The following STAG1 variants were observed in gnomAD, a reference collection of about 807,000 sequenced individuals.
The protein encoded by STAG1 is cohesin subunit SA-1.
A neutral mutation model predicts 170.9 loss-of-function variants in STAG1; 26 were observed. That is an observed-to-expected ratio of 0.15 (90% CI 0.11 to 0.21). STAG1 has a LOEUF of 0.21. STAG1 is among the 10% of genes least tolerant of loss of function. STAG1 has a pLI of 1.00. For synonymous variants in STAG1, 514 were observed against 497.7 expected (o/e 1.03, Z -0.44); for missense variants, 964 against 1,509.5 (o/e 0.64, Z 5.99).
rs529441481 is a variant in STAG1, at chr3:136,503,965, G to A, written c.677-1186C>T. Among the ~76,000 whole-genome samples the A allele has an allele frequency of 3.0e-4, 46 of 152,188 alleles. No homozygotes were observed. In the East Asian group the frequency reaches 7.7e-3, roughly 26 times the overall value. On this transcript the variant is annotated intron_variant, in intron 7 of 33. Coordinates refer to ENST00000383202, the MANE Select transcript of STAG1 (RefSeq NM_005862.3). ...TTGGCCAGGCGGGTTTTGAACTCCCGATCTCAGGTGATCCGCCCACCTTGG... is the reference window on the plus strand; with the variant it reads ...TTGGCCAGGCGGGTTTTGAACTCCCAATCTCAGGTGATCCGCCCACCTTGG...
At chr3:136,426,237 C>G (rs2088119595) in intron 16 of STAG1, among the ~76,000 whole-genome samples, 1 of 151,862 alleles carries the variant, frequency 6.6e-6, no homozygotes, top group South Asian at 2.1e-4. Context: ...GAAACCCCGT[C>G]TCTACTAAAA....
At chr3:136,361,536 A>C (rs923027839) in intron 26 of STAG1, among the ~76,000 whole-genome samples, 6 of 152,188 alleles carry the variant, frequency 3.9e-5, no homozygotes, top group Non-Finnish European at 7.4e-5. Flanking sequence ...CTTTTCCTCT[A>C]TATCTTTGTC....
chr3:136,585,371 G>A (rs1203447674), intron 4 of STAG1, among the ~76,000 whole-genome samples: 2 of 152,082 alleles, frequency 1.3e-5, no homozygotes, highest in African/African-American at 2.4e-5. Context: ...GAACCCGGGA[G>A]GCGGAGGTTG....
rs116634845 is a variant in STAG1 at position 136,471,700 on chromosome 3, T to A, written c.1205+713A>T. On this transcript the variant is annotated intron_variant, in intron 12 of 33. Coordinates refer to ENST00000383202, the MANE Select transcript of STAG1 (RefSeq NM_005862.3). Reference sequence around the variant, plus strand: ...CTGTAGAAATACAGCTATAACATTATTATTTTGAAATCTCTATCATTAGTG... The same window carrying A: ...CTGTAGAAATACAGCTATAACATTAATATTTTGAAATCTCTATCATTAGTG... Among the ~76,000 whole-genome samples the A allele has an allele frequency of 9.3e-3, 1,418 of 152,306 alleles. 29 individuals are homozygous for A. The highest frequency in any genetic ancestry group is 0.03 in the African/African-American group (1,267 of 41,568).
At chr3:136,700,867 A>G (rs997681355) in intron 1 of STAG1, among the ~76,000 whole-genome samples, 4 of 114,866 alleles carry the variant, frequency 3.5e-5, no homozygotes, top group Non-Finnish European at 7.3e-5. Flanking sequence ...TGTGTGCTCT[A>G]TTTTTTTTCT....
intron 1 of STAG1, among the ~76,000 whole-genome samples, chr3:136,690,423 G>C (rs1942684047): frequency 1.3e-5 from 2 of 152,212 alleles, no homozygotes; most frequent in South Asian, 4.1e-4. Context: ...TTTTAGTAGA[G>C]ATGAGGTTTC....
intron 1 of STAG1, among the ~76,000 whole-genome samples, chr3:136,669,239 A>C (rs1323675996): frequency 6.6e-6 from 1 of 152,198 alleles, no homozygotes; most frequent in Non-Finnish European, 1.5e-5. Flanking sequence ...CACACAAAAA[A>C]CGCTGAAAAG....
intron 5 of STAG1, among the ~76,000 whole-genome samples, chr3:136,552,680 G>A (rs186358711): frequency 1.3e-5 from 2 of 152,226 alleles, no homozygotes; most frequent in Non-Finnish European, 2.9e-5. Flanking sequence ...GCTAAACCAG[G>A]GGTCAATTTA....
chr3:136,548,991 C>T (rs1936273097), intron 5 of STAG1, among the ~76,000 whole-genome samples: 3 of 152,116 alleles, frequency 2.0e-5, no homozygotes, highest in South Asian at 2.1e-4. Flanking sequence ...CATGATTGTA[C>T]GTTTCCTGAG....
chr3:136,583,108 T>G (rs73228040), intron 4 of STAG1, among the ~76,000 whole-genome samples: 1 of 152,156 alleles, frequency 6.6e-6, no homozygotes, highest in Admixed American at 6.5e-5. Flanking sequence ...TTGATTAACC[T>G]TAGCATCTTA....
chr3:136,521,171 A>C (rs761901512), intron 7 of STAG1, 42 bp downstream of exon 7: 2 of 1,514,816 alleles, frequency 1.3e-6, no homozygotes, highest in Non-Finnish European at 1.8e-6. Context: ...AAACATAGTC[A>C]ACAAAACTAA....
chr3:136,371,932 TA>T (rs1410797351), intron 23 of STAG1, among the ~76,000 whole-genome samples: 1 of 152,240 alleles, frequency 6.6e-6, no homozygotes, highest in Non-Finnish European at 1.5e-5. Flanking sequence ...ATTCAATCTA[TA>T]AATTACCCTG....
intron 1 of STAG1, among the ~76,000 whole-genome samples, chr3:136,728,629 TATA>T (rs1170923948): frequency 6.6e-6 from 1 of 152,246 alleles, no homozygotes; most frequent in Non-Finnish European, 1.5e-5. Context: ...ACTATTATTA[TATA>T]ATGTTATTAT....
At chr3:136,635,979 G>A (rs1940536631) in intron 1 of STAG1, among the ~76,000 whole-genome samples, 1 of 152,196 alleles carries the variant, frequency 6.6e-6, no homozygotes, top group Non-Finnish European at 1.5e-5. Context: ...CGGGCACCAT[G>A]GCTCACGCCT....
intron 1 of STAG1, among the ~76,000 whole-genome samples, chr3:136,674,938 C>CAA (rs980003136): frequency 6.6e-6 from 1 of 152,022 alleles, no homozygotes; most frequent in African/African-American, 2.4e-5. Flanking sequence ...AACTCTCTAG[C>CAA]AAAAGTTGGG....
chr3:136,436,484 G>A (rs1276519631), intron 15 of STAG1, among the ~76,000 whole-genome samples: 2 of 152,172 alleles, frequency 1.3e-5, no homozygotes, highest in African/African-American at 4.8e-5. Flanking sequence ...GTTTCACCAT[G>A]TTGGCCTGGC....
chr3:136,701,043 G>A (rs930131108), intron 1 of STAG1, among the ~76,000 whole-genome samples: 1 of 151,214 alleles, frequency 6.6e-6, no homozygotes, highest in African/African-American at 2.4e-5. Context: ...CACCACACTT[G>A]GCTAATTTTT....
intron 19 of STAG1, among the ~76,000 whole-genome samples, chr3:136,421,869 T>G (rs2107728890): frequency 6.6e-6 from 1 of 152,192 alleles, no homozygotes; most frequent in Non-Finnish European, 1.5e-5. Context: ...GAGATTTTTT[T>G]GCCCGATGTG....
chr3:136,635,735 A>C (rs1940524800), intron 1 of STAG1, among the ~76,000 whole-genome samples: 1 of 152,216 alleles, frequency 6.6e-6, no homozygotes, highest in Non-Finnish European at 1.5e-5. Context: ...ACAAAGGCAA[A>C]ATAAAACAAC....
Sources: gnomAD v4.1 joint callset for allele counts (sites outside exome capture counted in the v4.1 genomes callset) on GRCh38, gnomAD v4.1.1 for gene constraint, MANE v1.5 for transcripts, NCBI Gene and HGNC (gene_info 2026-07-23, HGNC 2026-07-21) for gene names.